Variants in ADGRG6 observed in about 807,000 individuals in gnomAD.
The protein encoded by ADGRG6 is adhesion G protein-coupled receptor G6, also known as G-protein coupled receptor 126.
ADGRG6 carries 84 observed loss-of-function variants against 142.4 expected under a neutral mutation model. The ratio of observed to expected loss-of-function variants is 0.59; its 90% CI spans 0.49 to 0.71. ADGRG6 has a LOEUF of 0.71. Ranked by LOEUF, ADGRG6 falls within the 30% of genes least tolerant of loss-of-function variation. The pLI, the probability that ADGRG6 is intolerant of heterozygous loss-of-function variation, is 0.00. For missense variants in ADGRG6, 1,367 were observed against 1,466.6 expected (o/e 0.93, Z 1.11); for synonymous variants, 521 against 520.5 (o/e 1.00, Z -0.01).
At chr6:142,440,291 T>C (rs1006713308) in intron 24 of ADGRG6, among the ~76,000 whole-genome samples, 1 of 152,110 alleles carries the variant, frequency 6.6e-6, no homozygotes, top group Non-Finnish European at 1.5e-5. Context: ...TATTTTATTT[T>C]ATTTATTTAT....
At chr6:142,397,877 G>A (rs550341931) in intron 10 of ADGRG6, 122 bp downstream of exon 10, 13 of 561,202 alleles carry the variant, frequency 2.3e-5, no homozygotes, top group Middle Eastern at 4.9e-4. Context: ...TTCTGATGGT[G>A]AAGTTCAGTA....
intron 14 of ADGRG6, 127 bp from the exon 15 acceptor site, chr6:142,405,561 A>C: frequency 1.4e-6 from 1 of 737,412 alleles, no homozygotes; most frequent in East Asian, 2.7e-5. Flanking sequence ...CTGTAGATAC[A>C]AAGGGAAGTC....
At chr6:142,351,945 T>C (rs535608728) in intron 2 of ADGRG6, among the ~76,000 whole-genome samples, 2 of 152,176 alleles carry the variant, frequency 1.3e-5, no homozygotes, top group Non-Finnish European at 2.9e-5. Context: ...ATGGCCATTA[T>C]TAAAAAGTTA....
rs202204069 is a variant in ADGRG6, at chr6:142,367,931, G to A, written c.445+21G>A. 4.2e-5 allele frequency: 58 copies of A among 1,367,694 alleles called. No individual in the cohort carries two copies. The South Asian group carries it at 5.4e-4, about 13-fold the overall frequency. The allele number at this position is 1,367,694 out of a possible 1,614,324, so 84.7% of individuals were successfully genotyped here. A position where few individuals can be genotyped will look rare whatever the true frequency, so the allele number is the denominator to read the frequency against. On this transcript the variant is annotated intron_variant, in intron 3 of 24. Transcript: ENST00000367609. ...CAGAGGTATGTAAACCAAAGGCAAC[G>A]CCAACCTTCTGCTTTTATTTAACAT... is the stretch of plus-strand genomic sequence containing the variant.
chr6:142,370,071 T>C lies in ADGRG6; in HGVS notation c.446-99T>C, dbSNP rs900089454. On this transcript the variant is annotated intron_variant, in intron 3 of 24. Transcript: ENST00000367609. ...GATGGGGCAAATGGTAGGTAAAAAG[T>C]TAACTAGTAGAAAGCGATGGAGGGC... is the stretch of plus-strand genomic sequence containing the variant. 5.1e-6 allele frequency: 5 copies of C among 982,940 alleles called. No individual in the cohort carries two copies. In the African/African-American group the frequency reaches 8.1e-5, roughly 16 times the overall value. 60.9% of individuals were successfully genotyped at this position (982,940 alleles called of 1,614,324 possible). A position where few individuals can be genotyped will look rare whatever the true frequency, so the allele number is the denominator to read the frequency against.
chr6:142,434,947 A>G (rs1777405637), intron 22 of ADGRG6, among the ~76,000 whole-genome samples: 2 of 152,110 alleles, frequency 1.3e-5, no homozygotes, highest in African/African-American at 4.8e-5. Flanking sequence ...GAATCTTCGT[A>G]TTAAAAAATA....
intron 22 of ADGRG6, among the ~76,000 whole-genome samples, chr6:142,423,457 T>C (rs980967565): frequency 1.3e-5 from 2 of 152,056 alleles, no homozygotes; most frequent in Non-Finnish European, 2.9e-5. Context: ...TTTTCTCAGG[T>C]TTGTCAAAGA....
chr6:142,355,385 C>T (rs913925916), intron 2 of ADGRG6, among the ~76,000 whole-genome samples: 1 of 151,942 alleles, frequency 6.6e-6, no homozygotes, highest in African/African-American at 2.4e-5. Flanking sequence ...AATGACTTTC[C>T]ATAGAACATC....
At chr6:142,373,387 A>C (rs534604974) in intron 4 of ADGRG6, among the ~76,000 whole-genome samples, 65 of 151,732 alleles carry the variant, frequency 4.3e-4, no homozygotes, top group Non-Finnish European at 7.8e-4. Flanking sequence ...TATTTGTTTC[A>C]AACAAATAAT....
At chr6:142,318,404 A>AAT (rs557140736) in intron 2 of ADGRG6, among the ~76,000 whole-genome samples, 1,823 of 112,376 alleles carry the variant, frequency 0.016, 68 homozygotes, top group African/African-American at 0.059. Flanking sequence ...ATGTAATTTA[A>AAT]ATATATATAT....
At chr6:142,338,024 T>TTTTTTTTTTTTTTTTG (rs1779418994) in intron 2 of ADGRG6, among the ~76,000 whole-genome samples, 2 of 37,584 alleles carry the variant, frequency 5.3e-5, no homozygotes, top group African/African-American at 6.9e-5. Context: ...TTTGTTTTTT[T>TTTTTTTTTTTTTTTTG]TTTTTTTTTT....
intron 3 of ADGRG6, 60 bp from the exon 4 acceptor site, chr6:142,370,110 T>A (rs1368506865): frequency 7.0e-7 from 1 of 1,433,076 alleles, no homozygotes; most frequent in Non-Finnish European, 9.4e-7. Flanking sequence ...ATGTTTTGCA[T>A]CACATTAGTC....
chr6:142,383,002 GT>G (rs34626486), intron 5 of ADGRG6, among the ~76,000 whole-genome samples: 2 of 151,028 alleles, frequency 1.3e-5, no homozygotes, highest in Non-Finnish European at 3.0e-5. Context: ...TCATCAAGTA[GT>G]TTTTTTTTCC....
chr6:142,395,141 T>C (rs1775107527), intron 9 of ADGRG6, among the ~76,000 whole-genome samples: 1 of 152,170 alleles, frequency 6.6e-6, no homozygotes, highest in South Asian at 2.1e-4. Context: ...GTCATTTTTG[T>C]ATACATAGTA....
At chr6:142,408,357 C>G in intron 16 of ADGRG6, 88 bp downstream of exon 16, 1 of 1,001,218 alleles carries the variant, frequency 1.0e-6, no homozygotes, top group Non-Finnish European at 1.4e-6. Flanking sequence ...TAAAAAGTAA[C>G]TGACCCTTTT....
Position 142,400,560 on chromosome 6 carries a change from G to T in ADGRG6, c.1643G>T (p.Cys548Phe). 6.2e-7 allele frequency: 1 copy of T among 1,604,554 alleles called. No individual in the cohort carries two copies. Among genetic ancestry groups the T allele is most frequent in the South Asian group, 1.1e-5 (1 of 90,698 alleles). Residue 548 changes from cysteine (C) to phenylalanine (F), a missense_variant, in exon 11 of 25, where the codon TGT (cysteine) becomes TTT (phenylalanine). Physicochemically the swap from Cys to Phe is radical, Grantham distance 205 (BLOSUM62 -2). Around this residue, in one of 3 missense-constraint regions of ADGRG6, gnomAD observed 737 missense variants for 746.5 expected, o/e 0.99. Transcript: ENST00000367609. ...CAACCTTCTGAATACGTTCTTCCTT[G>T]TCCAGACAAGCCTGGCTTTTCTGCT... Reference protein sequence around the residue: ...SIQPSEYVLPCPDKPGFSASR... With the variant: ...SIQPSEYVLPFPDKPGFSASR...
intron 1 of ADGRG6, among the ~76,000 whole-genome samples, chr6:142,306,896 G>C (rs1175551492): frequency 6.6e-6 from 1 of 152,058 alleles, no homozygotes; most frequent in Non-Finnish European, 1.5e-5. Context: ...ATGAAAGTTG[G>C]CCTGTCCTAT....
At chr6:142,423,760 C>T (rs1353479099) in intron 22 of ADGRG6, among the ~76,000 whole-genome samples, 1 of 132,178 alleles carries the variant, frequency 7.6e-6, no homozygotes, top group Non-Finnish European at 1.6e-5. Context: ...TTACCTTGGG[C>T]AGTATGGCCA....
intron 2 of ADGRG6, among the ~76,000 whole-genome samples, chr6:142,331,746 G>A (rs1178832471): frequency 6.6e-6 from 1 of 151,760 alleles, no homozygotes; most frequent in Non-Finnish European, 1.5e-5. Flanking sequence ...TTTTTGTTTA[G>A]TGTATTTGTG....
Sources: allele counts gnomAD v4.1 joint callset (sites outside exome capture counted in the v4.1 genomes callset), GRCh38; gene constraint gnomAD v4.1.1; regional missense constraint gnomAD v4.1.1; transcripts MANE v1.5; gene names NCBI Gene and HGNC (gene_info 2026-07-23, HGNC 2026-07-21).